FOCAD: variants seen among roughly 807,000 people sequenced by gnomAD.
FOCAD encodes KIAA1797.
Under a neutral mutation model 225.6 loss-of-function variants are expected in FOCAD, and 198 were observed. The observed-to-expected ratio is 0.88, with a 90% confidence interval of 0.78 to 0.99. The LOEUF (loss-of-function observed/expected upper bound fraction) is 0.99. Among genes scored for constraint, FOCAD ranks in the 50% least tolerant of loss-of-function variants. The pLI, the probability that FOCAD is intolerant of heterozygous loss-of-function variation, is 0.00. For synonymous variants in FOCAD, 897 were observed against 755.0 expected, an observed-to-expected ratio of 1.19 and a Z score of -3.08; for missense variants, 2,713 against 2,123.6, an observed-to-expected ratio of 1.28 and a Z score of -5.46.
chr9:20,772,383 G>A (rs192494727), intron 8 of FOCAD, among the ~76,000 whole-genome samples: 61 of 152,242 alleles, frequency 4.0e-4, no homozygotes, highest in African/African-American at 1.3e-3. Flanking sequence ...TTTTAAACAC[G>A]GGACTGGGTG....
At position 20,830,296 on chromosome 9, in the gene FOCAD, G is replaced by A. The variant is rs1290594409; in HGVS notation, c.1920+7181G>A. Among the ~76,000 whole-genome samples, 3 of 152,104 alleles carry A rather than the reference G, an allele frequency of 2.0e-5. No homozygotes were observed. The South Asian group carries it at 6.2e-4, about 32-fold the overall frequency. On this transcript the variant is annotated intron_variant, in intron 15 of 43. Transcript: ENST00000338382. ...TTTGCCTAAAGGTCTTAATGAAAAA[G>A]ATGTTTTGAGCTAAAATATATTAAT...
At chr9:20,744,553 C>A (rs971780971) in intron 5 of FOCAD, among the ~76,000 whole-genome samples, 1 of 152,198 alleles carries the variant, frequency 6.6e-6, no homozygotes, top group Non-Finnish European at 1.5e-5. Flanking sequence ...GTATAAAACT[C>A]TAGACCCATG....
intron 15 of FOCAD, among the ~76,000 whole-genome samples, chr9:20,826,669 A>T (rs1369691617): frequency 2.0e-5 from 3 of 152,030 alleles, no homozygotes; most frequent in Non-Finnish European, 4.4e-5. Context: ...ACATTTTATG[A>T]TATAGGGGTT....
chr9:20,880,837 C>T (rs762383443), intron 19 of FOCAD, among the ~76,000 whole-genome samples: 4 of 152,008 alleles, frequency 2.6e-5, no homozygotes, highest in South Asian at 2.1e-4. Context: ...TTTCATTTTC[C>T]GCTACATATG....
At chr9:20,927,867 T>A (rs1406839703) in intron 26 of FOCAD, 1 of 152,018 alleles carries the variant, frequency 6.6e-6, no homozygotes, top group African/African-American at 2.4e-5. Context: ...TTTGTGTGCC[T>A]CTGTCCTGCC....
In FOCAD at chr9:20,913,145, T is replaced by TACACACACACAC. The variant is rs56856864; in HGVS notation, c.2807+224_2807+235dup. Among the ~76,000 whole-genome samples the TACACACACACAC allele has an allele frequency of 5.5e-4, 76 of 137,328 alleles. 1 individual carries two copies. Among genetic ancestry groups the TACACACACACAC allele is most frequent in the East Asian group, 3.9e-3 (18 of 4,566 alleles). The allele number at this position is 137,328 out of a possible 152,430, so 90.1% of individuals were successfully genotyped here. ...GAGAGCTTTATTTATAAATTATACATACACACACACACACACACACACACA... is the reference window on the plus strand; with the variant it reads ...GAGAGCTTTATTTATAAATTATACATACACACACACACACACACACACACACACACACACACA... On this transcript the variant is annotated intron_variant, in intron 23 of 43. Coordinates refer to ENST00000338382, the MANE Select transcript of FOCAD (RefSeq NM_001375567.1).
intron 19 of FOCAD, among the ~76,000 whole-genome samples, chr9:20,876,322 C>T (rs1375532467): frequency 6.6e-6 from 1 of 152,136 alleles, no homozygotes; most frequent in Non-Finnish European, 1.5e-5. Flanking sequence ...AAAGTTCTTT[C>T]TTTAACCTGA....
rs569014421 is a variant in FOCAD, at chr9:20,982,219, C to A, written c.4639-138C>A. ...TGTCTTCAAAATGATAAAAATTGGC[C>A]AAATGTTTTGGTTTGGTTAAAATTA... On this transcript the variant is annotated intron_variant, in intron 38 of 43. Coordinates refer to ENST00000338382, the MANE Select transcript of FOCAD (RefSeq NM_001375567.1). 1.3e-3 allele frequency: 658 copies of A among 519,932 alleles called. 4 individuals are homozygous for A. The highest frequency in any genetic ancestry group is 0.012 in the African/African-American group (598 of 51,086). 32.2% of individuals were successfully genotyped at this position (519,932 alleles called of 1,614,324 possible). A position where few individuals can be genotyped will look rare whatever the true frequency, so the allele number is the denominator to read the frequency against.
At chr9:20,953,258 A>C (rs760463228) in intron 35 of FOCAD, among the ~76,000 whole-genome samples, 193 bp downstream of exon 35, 4 of 152,224 alleles carry the variant, frequency 2.6e-5, no homozygotes, top group Non-Finnish European at 5.9e-5. Flanking sequence ...AAATATACAC[A>C]TTGTGTGGTT....
chr9:20,718,263 T>G (rs1825496350), intron 3 of FOCAD, among the ~76,000 whole-genome samples: 2 of 152,210 alleles, frequency 1.3e-5, no homozygotes, highest in East Asian at 1.9e-4. Flanking sequence ...ATGCTTCAGC[T>G]CAGCCCCAGC....
chr9:20,950,117 TG>T (rs1178944616), intron 33 of FOCAD, among the ~76,000 whole-genome samples: 2 of 152,030 alleles, frequency 1.3e-5, no homozygotes, highest in South Asian at 2.1e-4. Context: ...TCCTAAGAAA[TG>T]TTTTTTTGTT....
intron 35 of FOCAD, among the ~76,000 whole-genome samples, chr9:20,968,524 C>G (rs571737995): frequency 1.0e-3 from 138 of 135,822 alleles, no homozygotes; most frequent in African/African-American, 3.6e-3. Context: ...TCACTGCAAC[C>G]TCCACCTCCT....
chr9:20,696,113 C>G (rs1435217998), intron 1 of FOCAD, among the ~76,000 whole-genome samples: 3 of 152,214 alleles, frequency 2.0e-5, no homozygotes, highest in African/African-American at 4.8e-5. Context: ...TTTCAGTTAT[C>G]TGAACCCCAA....
At chr9:20,963,653 C>G (rs1056442209) in intron 35 of FOCAD, among the ~76,000 whole-genome samples, 8 of 152,190 alleles carry the variant, frequency 5.3e-5, no homozygotes, top group Non-Finnish European at 1.0e-4. Flanking sequence ...ACTATAATGT[C>G]TGCCAGTTTA....
At chr9:20,899,588 C>T (rs1362104423) in intron 21 of FOCAD, among the ~76,000 whole-genome samples, 3 of 151,936 alleles carry the variant, frequency 2.0e-5, no homozygotes, top group Admixed American at 6.6e-5. Flanking sequence ...TAGTGACTTC[C>T]AAGCTCCTTA....
intron 28 of FOCAD, among the ~76,000 whole-genome samples, chr9:20,938,408 G>A (rs1431948583): frequency 6.6e-6 from 1 of 152,146 alleles, no homozygotes; most frequent in Admixed American, 6.5e-5. Context: ...CCATAAAAAA[G>A]GATGAGTTCA....
intron 10 of FOCAD, chr9:20,786,941 G>A: frequency 2.2e-6 from 1 of 447,468 alleles, no homozygotes; most frequent in South Asian, 1.7e-5. Flanking sequence ...CATTTTCACA[G>A]GTCCTCCCTC....
In FOCAD at chr9:20,801,366, A is replaced by G. The variant is rs1244608392; in HGVS notation, c.1455+11758A>G. 5.3e-5 allele frequency among the ~76,000 whole-genome samples: 8 copies of G among 152,176 alleles called. No individual in the cohort carries two copies. In the South Asian group the frequency reaches 1.2e-3, roughly 24 times the overall value. ...GTTTTGGCCATTATCAGTTCAAGAAAGAAATAAAATTATGTGTGTAATTAG... is the reference window on the plus strand; with the variant it reads ...GTTTTGGCCATTATCAGTTCAAGAAGGAAATAAAATTATGTGTGTAATTAG... On this transcript the variant is annotated intron_variant, in intron 11 of 43. Coordinates refer to ENST00000338382, the MANE Select transcript of FOCAD (RefSeq NM_001375567.1).
intron 2 of FOCAD, among the ~76,000 whole-genome samples, chr9:20,677,663 C>G (rs1305896480): frequency 2.0e-5 from 3 of 148,998 alleles, no homozygotes; most frequent in African/African-American, 7.8e-5. Flanking sequence ...AAGATATAAC[C>G]TCAAACCTGT....
Sources: allele counts gnomAD v4.1 joint callset (sites outside exome capture counted in the v4.1 genomes callset), GRCh38; gene constraint gnomAD v4.1.1; transcripts MANE v1.5; gene names NCBI Gene and HGNC (gene_info 2026-07-23, HGNC 2026-07-21).